SMAD3: variants seen among roughly 807,000 people sequenced by gnomAD.
SMAD3 encodes MAD homolog 3.
Under a neutral mutation model 51.8 loss-of-function variants are expected in SMAD3, and 12 were observed. The ratio of observed to expected loss-of-function variants is 0.23; its 90% CI spans 0.15 to 0.38. The LOEUF is 0.38. Ranked by LOEUF, SMAD3 falls within the 10% of genes least tolerant of loss-of-function variation. SMAD3 has a pLI of 1.00. For synonymous variants in SMAD3, 238 were observed against 227.7 expected (o/e 1.05, Z -0.41); for missense variants, 294 against 565.6 (o/e 0.52, Z 4.87).
At chr15:67,100,758 G>A (rs972005516) in intron 1 of SMAD3, among the ~76,000 whole-genome samples, 1 of 152,156 alleles carries the variant, frequency 6.6e-6, no homozygotes, top group South Asian at 2.1e-4. Flanking sequence ...TGTACACTGA[G>A]GCAGAAGAAA....
Position 67,187,388 on chromosome 15 carries a change from A to G in SMAD3, c.1033A>G (p.Asn345Asp). Residue 345 changes from asparagine (N) to aspartate (D), a missense_variant, in exon 8 of 9, where the codon AAC becomes GAC. Coordinates refer to ENST00000327367, the MANE Select transcript of SMAD3 (RefSeq NM_005902.4). ...PPGCNLKIFNNQEFAALLAQS... is the reference protein window; with the variant it reads ...PPGCNLKIFNDQEFAALLAQS... ...AGGATGCAACCTGAAGATCTTCAAC[A>G]ACCAGGAGTTCGCTGCCCTCCTGGC... 6.2e-7 allele frequency: 1 copy of G among 1,614,138 alleles called. No homozygotes were observed. Among genetic ancestry groups the G allele is most frequent in the Non-Finnish European group, 8.5e-7 (1 of 1,180,012 alleles).
chr15:67,142,200 C>CCCCG lies in SMAD3; in HGVS notation c.207-22692_207-22691insGCCC, dbSNP rs1436179278. ...TTCTTTTGTGTGTCTCCTCCCCACA[C>CCCCG]CCCCCCCACCATTGTTTCTAGAACT... On this transcript the variant is annotated intron_variant, in intron 1 of 8. Coordinates refer to ENST00000327367, the MANE Select transcript of SMAD3 (RefSeq NM_005902.4). Among the ~76,000 whole-genome samples, 24 of 101,700 alleles carry CCCCG rather than the reference C, an allele frequency of 2.4e-4. 2 individuals carry two copies. The South Asian group carries it at 8.0e-3, about 34-fold the overall frequency. The allele number at this position is 101,700 out of a possible 152,430, so 66.7% of individuals were successfully genotyped here.
At chr15:67,129,401 A>G (rs1043421173) in intron 1 of SMAD3, among the ~76,000 whole-genome samples, 1 of 152,224 alleles carries the variant, frequency 6.6e-6, no homozygotes, top group Non-Finnish European at 1.5e-5. Context: ...AGGTGAATAT[A>G]GTACAGTCAG....
chr15:67,115,876 G>A (rs1264258787), intron 1 of SMAD3, among the ~76,000 whole-genome samples: 1 of 152,184 alleles, frequency 6.6e-6, no homozygotes, highest in African/African-American at 2.4e-5. Context: ...GTGGTGGTCT[G>A]GGAAGGTTCC....
rs141034598 is a variant in SMAD3, at chr15:67,180,217, C to T, written c.659-1024C>T. ...AGTCCTGGTCCAGAGGCTGTGGCATCGGTGTGAGTGGGAATTCCGAGGGCC... is the reference window on the plus strand; with the variant it reads ...AGTCCTGGTCCAGAGGCTGTGGCATTGGTGTGAGTGGGAATTCCGAGGGCC... On this transcript the variant is annotated intron_variant, in intron 5 of 8. Transcript: ENST00000327367. 2.0e-3 allele frequency among the ~76,000 whole-genome samples: 304 copies of T among 152,038 alleles called. 1 individual carries two copies. The highest frequency in any genetic ancestry group is 4.9e-3 in the East Asian group (25 of 5,120).
At chr15:67,139,019 G>A (rs989803062) in intron 1 of SMAD3, among the ~76,000 whole-genome samples, 3 of 152,212 alleles carry the variant, frequency 2.0e-5, no homozygotes, top group African/African-American at 7.2e-5. Context: ...AGAGACTGAA[G>A]TGTCGGAAAT....
chr15:67,090,905 C>T (rs769699409), intron 1 of SMAD3, among the ~76,000 whole-genome samples: 1 of 152,154 alleles, frequency 6.6e-6, no homozygotes, highest in African/African-American at 2.4e-5. Flanking sequence ...AGGCCAAGCC[C>T]CTCCCTCCCT....
intron 1 of SMAD3, among the ~76,000 whole-genome samples, chr15:67,127,471 C>T (rs967618505): frequency 2.6e-5 from 4 of 152,226 alleles, no homozygotes; most frequent in African/African-American, 9.6e-5. Flanking sequence ...CTCTGAGCCG[C>T]ACCCTGCAGA....
chr15:67,157,855 A>T (rs1214762791), intron 1 of SMAD3, among the ~76,000 whole-genome samples: 1 of 152,282 alleles, frequency 6.6e-6, no homozygotes, highest in East Asian at 1.9e-4. Flanking sequence ...GAGGAAACCT[A>T]ATTTCCTGCC....
chr15:67,179,893 G>T (rs1963006676), intron 5 of SMAD3, among the ~76,000 whole-genome samples: 1 of 152,120 alleles, frequency 6.6e-6, no homozygotes, highest in African/African-American at 2.4e-5. Flanking sequence ...CGAGGGAGGA[G>T]AGATGTCAGC....
chr15:67,171,591 A>G (rs75822029), intron 5 of SMAD3, among the ~76,000 whole-genome samples: 8,394 of 152,320 alleles, frequency 0.055, 308 homozygotes, highest in Admixed American at 0.096. Context: ...TTCTTGGCGA[A>G]TCAAAGTGGA....
chr15:67,067,743 G>A (rs1959960117), intron 1 of SMAD3, among the ~76,000 whole-genome samples: 1 of 152,196 alleles, frequency 6.6e-6, no homozygotes, highest in African/African-American at 2.4e-5. Context: ...AATAAAGGGG[G>A]AGGGAAGGCG....
At chr15:67,164,598 G>T (rs1962524028) in intron 1 of SMAD3, among the ~76,000 whole-genome samples, 1 of 152,196 alleles carries the variant, frequency 6.6e-6, no homozygotes, top group African/African-American at 2.4e-5. Context: ...TGAAGTGCGG[G>T]CCCTTCCCAT....
chr15:67,115,593 G>A (rs914677502), intron 1 of SMAD3, among the ~76,000 whole-genome samples: 5 of 152,182 alleles, frequency 3.3e-5, no homozygotes, highest in Non-Finnish European at 5.9e-5. Context: ...CCAAGCCCAG[G>A]TGAGAGACAT....
At chr15:67,068,664 A>T (rs1029436162) in intron 1 of SMAD3, among the ~76,000 whole-genome samples, 1 of 151,860 alleles carries the variant, frequency 6.6e-6, no homozygotes, top group Non-Finnish European at 1.5e-5. Context: ...TTTTTCAGTT[A>T]GGGAAACCCA....
At chr15:67,103,752 G>A (rs1960813969) in intron 1 of SMAD3, among the ~76,000 whole-genome samples, 1 of 152,212 alleles carries the variant, frequency 6.6e-6, no homozygotes, top group African/African-American at 2.4e-5. Flanking sequence ...CTGCAACAAT[G>A]AGGAGGGTTT....
intron 5 of SMAD3, among the ~76,000 whole-genome samples, chr15:67,177,507 C>G (rs1962937688): frequency 7.1e-6 from 1 of 140,690 alleles, no homozygotes; most frequent in African/African-American, 2.6e-5. Flanking sequence ...ACTGCAACCT[C>G]TGCCTCCTGG....
At chr15:67,090,258 A>G (rs1197137484) in intron 1 of SMAD3, among the ~76,000 whole-genome samples, 1 of 152,158 alleles carries the variant, frequency 6.6e-6, no homozygotes, top group Non-Finnish European at 1.5e-5. Context: ...TGGGAAGAGC[A>G]GGGAGTCTCG....
At chr15:67,131,124 G>T (rs547270868) in intron 1 of SMAD3, among the ~76,000 whole-genome samples, 3 of 152,342 alleles carry the variant, frequency 2.0e-5, no homozygotes, top group African/African-American at 7.2e-5. Flanking sequence ...CGTGCTTTGG[G>T]CCAGAATGAT....
Sources: gnomAD v4.1 joint callset for allele counts (sites outside exome capture counted in the v4.1 genomes callset) on GRCh38, gnomAD v4.1.1 for gene constraint, MANE v1.5 for transcripts, NCBI Gene and HGNC (gene_info 2026-07-23, HGNC 2026-07-21) for gene names.